CNDP1: variants seen among roughly 807,000 people sequenced by gnomAD.
CNDP1 encodes the protein carnosine dipeptidase 1.
In CNDP1, 44 loss-of-function variants were observed where a neutral mutation model predicts 58.1. The ratio of observed to expected loss-of-function variants is 0.76; its 90% confidence interval spans 0.60 to 0.97. CNDP1 has a LOEUF of 0.97. Among genes scored for constraint, CNDP1 ranks in the 50% least tolerant of loss-of-function variants. The probability of loss-of-function intolerance (pLI) is 0.00; values close to 1 mark genes in which losing one functional copy is unlikely to be tolerated. For synonymous variants in CNDP1, 254 were observed against 252.6 expected, an observed-to-expected ratio of 1.01 and a Z score of -0.05; for missense variants, 616 against 655.1, an observed-to-expected ratio of 0.94 and a Z score of 0.65.
At chr18:74,563,643 G>A (rs1030774357) in intron 5 of CNDP1, among the ~76,000 whole-genome samples, 6 of 152,150 alleles carry the variant, frequency 3.9e-5, no homozygotes, top group African/African-American at 1.4e-4. Flanking sequence ...GGGATGGTGC[G>A]CGAGGTCCTT....
rs1424356648 is a variant in CNDP1 at position 74,562,262 on chromosome 18, G to A, written c.555+127G>A. ...ACTCGCCCCAACAATCTTTGGAGGT[G>A]TGTGCGACAATGGTATCCATTTTGC... On this transcript the variant is annotated intron_variant, in intron 5 of 11. Transcript: ENST00000358821. The A allele has an allele frequency of 1.4e-4, 110 of 792,762 alleles. No homozygotes were observed. The African/African-American group carries it at 1.5e-3, about 11-fold the overall frequency. 49.1% of individuals were successfully genotyped at this position (792,762 alleles called of 1,614,324 possible). A position where few individuals can be genotyped will look rare whatever the true frequency, so the allele number is the denominator to read the frequency against.
intron 9 of CNDP1, 130 bp from the exon 10 acceptor site, chr18:74,580,000 T>G: frequency 1.3e-6 from 1 of 782,136 alleles, no homozygotes; most frequent in South Asian, 1.8e-5. Context: ...TGTGTCAGGC[T>G]GGGGCTTCAG....
At position 74,541,244 on chromosome 18, in the gene CNDP1, G is replaced by A. The variant is rs370140932; in HGVS notation, c.24+6553G>A. Among the ~76,000 whole-genome samples the A allele has an allele frequency of 7.8e-4, 119 of 152,348 alleles. 1 individual carries two copies. In the South Asian group the frequency reaches 0.02, roughly 25 times the overall value. Reference sequence around the variant, plus strand: ...GGAAGGAGACGGCAGGTGTGCAGAGGCACCGTTTAGCTGCCACAGGAGCTG... The same window carrying A: ...GGAAGGAGACGGCAGGTGTGCAGAGACACCGTTTAGCTGCCACAGGAGCTG... On this transcript the variant is annotated intron_variant, in intron 1 of 11. Coordinates refer to ENST00000358821, the MANE Select transcript of CNDP1 (RefSeq NM_032649.6).
intron 1 of CNDP1, among the ~76,000 whole-genome samples, chr18:74,553,786 G>C (rs1409671055): frequency 6.6e-6 from 1 of 152,110 alleles, no homozygotes; most frequent in Non-Finnish European, 1.5e-5. Flanking sequence ...CTTCTGCCCT[G>C]AATGCCTGCC....
At chr18:74,561,088 T>G in intron 4 of CNDP1, 70 bp downstream of exon 4, 3 of 1,532,508 alleles carry the variant, frequency 2.0e-6, no homozygotes, top group Non-Finnish European at 2.7e-6. Context: ...AAGATGAGGC[T>G]CTGTCCCTGG....
At chr18:74,561,997 A>G (rs754764835) in intron 4 of CNDP1, 50 bp from the exon 5 acceptor site, 31 of 1,498,360 alleles carry the variant, frequency 2.1e-5, no homozygotes, top group Middle Eastern at 1.7e-4. Flanking sequence ...TTTAACTCAC[A>G]TGGCAGAGGT....
intron 1 of CNDP1, among the ~76,000 whole-genome samples, chr18:74,535,964 C>T (rs1372631373): frequency 6.6e-6 from 1 of 151,934 alleles, no homozygotes; most frequent in Non-Finnish European, 1.5e-5. Flanking sequence ...CCTGGGAGGT[C>T]GAGGCTGCAG....
intron 1 of CNDP1, among the ~76,000 whole-genome samples, chr18:74,551,596 C>T (rs1037690238): frequency 6.6e-6 from 1 of 152,146 alleles, no homozygotes; most frequent in Admixed American, 6.5e-5. Context: ...AAGTCGTGCA[C>T]TTCCCCTTGT....
At chr18:74,570,033 C>CAAAAAAAAAAAA (rs56365298) in intron 6 of CNDP1, among the ~76,000 whole-genome samples, 1 of 94,146 alleles carries the variant, frequency 1.1e-5, no homozygotes, top group Non-Finnish European at 2.0e-5. Flanking sequence ...GAAGAAAATA[C>CAAAAAAAAAAAA]AAAAAAAAAA....
chr18:74,558,393 T>TTTTC (rs1555709547), intron 2 of CNDP1, among the ~76,000 whole-genome samples: 4 of 26,572 alleles, frequency 1.5e-4, no homozygotes, highest in African/African-American at 1.4e-4. Context: ...TTTCTTTTTC[T>TTTTC]TTTTTTTTTT....
At chr18:74,581,243 TGTG>T in intron 10 of CNDP1, among the ~76,000 whole-genome samples, 1 of 151,682 alleles carries the variant, frequency 6.6e-6, no homozygotes, top group South Asian at 2.1e-4. Context: ...TGTGTGTGTG[TGTG>T]TGTGTGTGTG....
In CNDP1 at chr18:74,556,357, T is replaced by TGCTGCC; in HGVS notation, c.49_50insCGCTGC (p.Leu16_Leu17insProLeu). 4 of 1,320,272 alleles carry TGCTGCC rather than the reference T, an allele frequency of 3.0e-6. No individual in the cohort carries two copies. The highest frequency in any genetic ancestry group is 4.0e-6 in the Non-Finnish European group (4 of 989,634). 81.8% of individuals were successfully genotyped at this position (1,320,272 alleles called of 1,614,324 possible). Reference sequence around the variant, plus strand: ...TTCCAGGCTGCGTCCCTGCTGGCTGTGCTGCTGCTGCTGCTGGAGCGCGGC... The same window carrying TGCTGCC: ...TTCCAGGCTGCGTCCCTGCTGGCTGTGCTGCCGCTGCTGCTGCTGCTGGAGCGCGGC... On this transcript the variant is annotated inframe_insertion, in exon 2 of 12. Coordinates refer to ENST00000358821, the MANE Select transcript of CNDP1 (RefSeq NM_032649.6).
chr18:74,545,804 G>A lies in CNDP1; in HGVS notation c.25-10534G>A, dbSNP rs750282399. Among the ~76,000 whole-genome samples, 3 of 152,186 alleles carry A rather than the reference G, an allele frequency of 2.0e-5. No individual in the cohort carries two copies. The highest frequency in any genetic ancestry group is 4.4e-5 in the Non-Finnish European group (3 of 68,040). ...ACTCAAATGAGATTTAAAGGAAGAAGAGCCAGTGGCTCTGGTGTGGCCACA... is the reference window on the plus strand; with the variant it reads ...ACTCAAATGAGATTTAAAGGAAGAAAAGCCAGTGGCTCTGGTGTGGCCACA... On this transcript the variant is annotated intron_variant, in intron 1 of 11. Coordinates refer to ENST00000358821, the MANE Select transcript of CNDP1 (RefSeq NM_032649.6). This position sits in a 1 kb window ranked among gnomAD's most constrained non-coding sequence, Gnocchi z 4.1.
chr18:74,555,778 C>T (rs1265822475), intron 1 of CNDP1, among the ~76,000 whole-genome samples: 1 of 152,092 alleles, frequency 6.6e-6, no homozygotes, highest in Non-Finnish European at 1.5e-5. Context: ...CCGCCCACCT[C>T]GACCTCCCAA....
Position 74,551,908 on chromosome 18 carries a change from C to CG in CNDP1, c.25-4429dup, listed in dbSNP as rs199539092. ...GTAGATGGATCAATTGGATCGATTG[C>CG]GAAAAAAAAAAACAAAAAAAAAACC... is the stretch of plus-strand genomic sequence containing the variant. On this transcript the variant is annotated intron_variant, in intron 1 of 11. Coordinates refer to ENST00000358821, the MANE Select transcript of CNDP1 (RefSeq NM_032649.6). Among the ~76,000 whole-genome samples the CG allele has an allele frequency of 8.6e-3, 1,240 of 143,786 alleles. 10 individuals carry two copies. The highest frequency in any genetic ancestry group is 0.022 in the Middle Eastern group (6 of 278). The allele number at this position is 143,786 out of a possible 152,430, so 94.3% of individuals were successfully genotyped here. A position where few individuals can be genotyped will look rare whatever the true frequency, so the allele number is the denominator to read the frequency against.
At chr18:74,539,237 T>A (rs1980557236) in intron 1 of CNDP1, among the ~76,000 whole-genome samples, 1 of 152,094 alleles carries the variant, frequency 6.6e-6, no homozygotes, top group Admixed American at 6.5e-5. Context: ...TACACCTGTT[T>A]GTTCCCACCA....
chr18:74,561,087 C>T lies in CNDP1; in HGVS notation c.466+69C>T, dbSNP rs1981184921. On this transcript the variant is annotated intron_variant, in intron 4 of 11. Coordinates refer to ENST00000358821, the MANE Select transcript of CNDP1 (RefSeq NM_032649.6). ...CAAGATTGAAGGGGTGAAGATGAGG[C>T]TCTGTCCCTGGGTTTTGGGTCTCTC... 6.4e-6 allele frequency: 10 copies of T among 1,561,374 alleles called. No homozygotes were observed. The South Asian group carries it at 1.0e-4, about 16-fold the overall frequency.
chr18:74,535,595 A>T (rs868062496), intron 1 of CNDP1, among the ~76,000 whole-genome samples: 15 of 5,030 alleles, frequency 3.0e-3, no homozygotes, highest in South Asian at 8.8e-3. Context: ...TTTTTTTTTT[A>T]AAGAACCCAT....
intron 7 of CNDP1, among the ~76,000 whole-genome samples, chr18:74,573,610 A>G (rs931361125): frequency 6.6e-5 from 10 of 152,368 alleles, no homozygotes; most frequent in Admixed American, 3.3e-4. Context: ...CAGAAGAATC[A>G]GATGGTATGC....
Sources: allele counts gnomAD v4.1 joint callset (sites outside exome capture counted in the v4.1 genomes callset), GRCh38; gene constraint gnomAD v4.1.1; non-coding constraint Gnocchi (gnomAD v3.1); transcripts MANE v1.5; gene names NCBI Gene and HGNC (gene_info 2026-07-23, HGNC 2026-07-21).